The following TRABD2A variants were observed in gnomAD, a reference collection of about 807,000 sequenced individuals.
The protein encoded by TRABD2A is metalloprotease TIKI1.
In TRABD2A, 43 loss-of-function variants were observed where a neutral mutation model predicts 45.6. The observed-to-expected ratio is 0.94, with a 90% CI of 0.74 to 1.22. The LOEUF (loss-of-function observed/expected upper bound fraction) is 1.22, where lower values mean the gene tolerates loss of function less well. Among genes scored for constraint, TRABD2A ranks in the 50% most tolerant of loss-of-function variants. The pLI, the probability that TRABD2A is intolerant of heterozygous loss-of-function variation, is 0.00. For synonymous variants in TRABD2A, 269 were observed against 265.0 expected (o/e 1.02, Z -0.15); for missense variants, 642 against 652.4 (o/e 0.98, Z 0.17).
chr2:84,832,148 G>T lies in TRABD2A; in HGVS notation c.992-3C>A. 2 of 1,613,944 alleles carry T rather than the reference G, an allele frequency of 1.2e-6. No individual in the cohort carries two copies. Among genetic ancestry groups the T allele is most frequent in the Non-Finnish European group, 1.7e-6 (2 of 1,179,884 alleles). ...TGTGTTGTTGCCCATGAAATGACCT[G>T]CAGTGAGAAAAACAACCTGAAATGC... On this transcript the variant is annotated splice_region_variant and splice_polypyrimidine_tract_variant and intron_variant, in intron 4 of 6. Coordinates refer to ENST00000409520, the MANE Select transcript of TRABD2A (RefSeq NM_001277053.2).
intron 5 of TRABD2A, among the ~76,000 whole-genome samples, chr2:84,825,700 A>G (rs1681126633): frequency 6.6e-6 from 1 of 152,152 alleles, no homozygotes; most frequent in South Asian, 2.1e-4. Context: ...CCAGCCCCCA[A>G]GCCATGGACT....
intron 2 of TRABD2A, among the ~76,000 whole-genome samples, chr2:84,843,346 TAG>T (rs1470273552): frequency 1.3e-5 from 2 of 152,176 alleles, no homozygotes; most frequent in East Asian, 3.9e-4. Context: ...GACAACGCAT[TAG>T]AGGTCTTAAG....
chr2:84,868,984 T>A (rs1482285048), intron 2 of TRABD2A, among the ~76,000 whole-genome samples: 2 of 152,248 alleles, frequency 1.3e-5, no homozygotes, highest in Non-Finnish European at 2.9e-5. Flanking sequence ...CAATTAATGA[T>A]CCCTTATCTT....
chr2:84,857,149 G>A (rs1682339838), intron 2 of TRABD2A, among the ~76,000 whole-genome samples: 1 of 152,176 alleles, frequency 6.6e-6, no homozygotes, highest in Admixed American at 6.5e-5. Flanking sequence ...AAGCCACCTA[G>A]GCTGTGGTAT....
intron 2 of TRABD2A, among the ~76,000 whole-genome samples, chr2:84,851,627 A>G (rs1682099123): frequency 6.6e-6 from 1 of 152,226 alleles, no homozygotes; most frequent in African/African-American, 2.4e-5. Flanking sequence ...ACTCATTTGC[A>G]TATATCAGTA....
At chr2:84,878,456 C>G (rs1158641501) in intron 1 of TRABD2A, among the ~76,000 whole-genome samples, 1 of 150,256 alleles carries the variant, frequency 6.7e-6, no homozygotes, top group East Asian at 1.9e-4. Flanking sequence ...ACCCTGGAGG[C>G]AGAGGTTGCA....
At chr2:84,876,651 G>A (rs139295118) in intron 1 of TRABD2A, among the ~76,000 whole-genome samples, 196 of 152,250 alleles carry the variant, frequency 1.3e-3, no homozygotes, top group African/African-American at 4.6e-3. Flanking sequence ...GCTTTTAAAC[G>A]CCATATTTAT....
intron 1 of TRABD2A, among the ~76,000 whole-genome samples, chr2:84,873,854 G>T (rs1271394392): frequency 6.6e-6 from 1 of 152,194 alleles, no homozygotes; most frequent in African/African-American, 2.4e-5. Context: ...AGATCTAATT[G>T]CACAATGTCC....
chr2:84,822,237 C>T (rs1209312292), intron 6 of TRABD2A, 137 bp from the exon 7 acceptor site: 8 of 663,898 alleles, frequency 1.2e-5, no homozygotes, highest in South Asian at 3.3e-5. Context: ...TATTAATAGG[C>T]TTCCTATATC....
intron 2 of TRABD2A, among the ~76,000 whole-genome samples, chr2:84,858,546 C>T (rs1214173952): frequency 2.6e-5 from 4 of 152,170 alleles, no homozygotes; most frequent in Admixed American, 6.5e-5. Context: ...ACCATGACAG[C>T]CCCAGAGAAG....
At position 84,848,711 on chromosome 2, in the gene TRABD2A, G is replaced by A. The variant is rs1430236069; in HGVS notation, c.670-6704C>T. On this transcript the variant is annotated intron_variant, in intron 2 of 6. Transcript: ENST00000409520. The stretch of plus-strand genomic sequence containing the variant: ...GTGCCTCAGCCACCCGAGTAGCTGG[G>A]ATTACAGGCACCCACCACCACGCCC... 4.6e-5 allele frequency among the ~76,000 whole-genome samples: 7 copies of A among 151,738 alleles called. No individual in the cohort carries two copies. The South Asian group carries it at 1.0e-3, about 22-fold the overall frequency.
chr2:84,837,253 C>T (rs1681546458), intron 4 of TRABD2A: 1 of 152,236 alleles, frequency 6.6e-6, no homozygotes, highest in South Asian at 2.1e-4. Flanking sequence ...TTCAGCCTCC[C>T]AAAGTGCTGG....
intron 1 of TRABD2A, among the ~76,000 whole-genome samples, chr2:84,873,273 G>A (rs147457190): frequency 0.026 from 3,931 of 150,808 alleles, 83 homozygotes; most frequent in South Asian, 0.057. Context: ...AAAATTAGCC[G>A]GACATGGTGG....
intron 2 of TRABD2A, among the ~76,000 whole-genome samples, chr2:84,849,918 A>G (rs982318878): frequency 1.3e-5 from 2 of 152,230 alleles, no homozygotes; most frequent in African/African-American, 4.8e-5. Flanking sequence ...CGCCAGTCGT[A>G]GTGTTTTCTA....
chr2:84,864,885 A>G (rs1682626086), intron 2 of TRABD2A, among the ~76,000 whole-genome samples: 1 of 152,132 alleles, frequency 6.6e-6, no homozygotes, highest in Admixed American at 6.5e-5. Context: ...TCCTCAGGCC[A>G]TCTAGCACCT....
chr2:84,880,343 G>C (rs533090755), intron 1 of TRABD2A, among the ~76,000 whole-genome samples: 6 of 152,220 alleles, frequency 3.9e-5, no homozygotes, highest in South Asian at 4.1e-4. Flanking sequence ...GACACGCAAG[G>C]CTCGGACAGT....
chr2:84,831,434 A>T (rs1681335077), intron 5 of TRABD2A, among the ~76,000 whole-genome samples: 1 of 152,056 alleles, frequency 6.6e-6, no homozygotes, highest in Non-Finnish European at 1.5e-5. Flanking sequence ...ATGGACGACC[A>T]GTTGGGAGGC....
intron 1 of TRABD2A, chr2:84,879,449 G>A: frequency 3.3e-6 from 1 of 301,118 alleles, no homozygotes; most frequent in Non-Finnish European, 4.9e-6. Context: ...CCAAAGTGCT[G>A]GGATTACAGG....
At chr2:84,829,754 T>C (rs984964215) in intron 5 of TRABD2A, among the ~76,000 whole-genome samples, 11 of 142,286 alleles carry the variant, frequency 7.7e-5, no homozygotes, top group African/African-American at 2.7e-4. Context: ...ACACCAGCCA[T>C]GTTCCACACA....
Sources: gnomAD v4.1 joint callset for allele counts (sites outside exome capture counted in the v4.1 genomes callset) on GRCh38, gnomAD v4.1.1 for gene constraint, MANE v1.5 for transcripts, NCBI Gene and HGNC (gene_info 2026-07-23, HGNC 2026-07-21) for gene names.